The following TRAF5 variants were observed in gnomAD, a reference collection of about 807,000 sequenced individuals.
The protein encoded by TRAF5 is TNF receptor associated factor 5.
A neutral mutation model predicts 64.5 loss-of-function variants in TRAF5; 48 were observed. That is an observed-to-expected ratio of 0.74 (90% CI 0.59 to 0.95). The LOEUF is 0.95. Ranked by LOEUF, TRAF5 falls within the 40% of genes least tolerant of loss-of-function variation. The probability of loss-of-function intolerance (pLI) is 0.00; values close to 1 mark genes in which losing one functional copy is unlikely to be tolerated. For synonymous variants in TRAF5, 206 were observed against 240.5 expected, an observed-to-expected ratio of 0.86 and a Z score of 1.33; for missense variants, 545 against 662.8, an observed-to-expected ratio of 0.82 and a Z score of 1.95.
At chr1:211,359,862 C>T (rs1703116503) in intron 4 of TRAF5, 50 bp from the exon 5 acceptor site, 3 of 1,609,086 alleles carry the variant, frequency 1.9e-6, no homozygotes, top group Middle Eastern at 1.7e-4. Context: ...TGACTTCTTT[C>T]CTACCACCCT....
chr1:211,369,720 A>G (rs938436093), intron 9 of TRAF5, 128 bp downstream of exon 9: 10 of 1,091,940 alleles, frequency 9.2e-6, no homozygotes, highest in Non-Finnish European at 1.1e-5. Flanking sequence ...GATGGTGCAA[A>G]GAACACTTGT....
chr1:211,337,057 C>T (rs887635168), intron 1 of TRAF5, among the ~76,000 whole-genome samples: 6 of 152,236 alleles, frequency 3.9e-5, no homozygotes, highest in Non-Finnish European at 7.3e-5. Context: ...TGTGTTGGGA[C>T]TTCAGTACCC....
At chr1:211,350,380 T>C (rs1044291874) in intron 1 of TRAF5, among the ~76,000 whole-genome samples, 8 of 120,886 alleles carry the variant, frequency 6.6e-5, no homozygotes, top group African/African-American at 2.3e-4. Flanking sequence ...TAGAGTGTGG[T>C]GTATTAGAAG....
At chr1:211,370,718 A>G (rs1375986595) in intron 9 of TRAF5, among the ~76,000 whole-genome samples, 2 of 152,232 alleles carry the variant, frequency 1.3e-5, no homozygotes, top group African/African-American at 2.4e-5. Context: ...AATTTATCAA[A>G]TACTGAAAGT....
Position 211,326,845 on chromosome 1 carries a change from C to G in TRAF5, c.-46C>G, listed in dbSNP as rs1300548899. On this transcript the variant is annotated 5_prime_UTR_variant, in exon 1 of 11. Coordinates refer to ENST00000261464, the MANE Select transcript of TRAF5 (RefSeq NM_001033910.3). The surrounding 1 kb of genome is among the most constrained non-coding windows in gnomAD (Gnocchi z 5.0). ...GCCGGCCGCAGCCAGGAGCAGCAGC[C>G]GCGCCTGCAGACCGGCCTCGCGGAG... is the stretch of plus-strand genomic sequence containing the variant. The G allele has an allele frequency of 2.0e-6, 2 of 984,658 alleles. No individual in the cohort carries two copies. Among genetic ancestry groups the G allele is most frequent in the Non-Finnish European group, 2.4e-6 (2 of 829,544 alleles). 61.0% of individuals were successfully genotyped at this position (984,658 alleles called of 1,614,324 possible). A position where few individuals can be genotyped will look rare whatever the true frequency, so the allele number is the denominator to read the frequency against.
chr1:211,328,383 C>G (rs1329228185), intron 1 of TRAF5, among the ~76,000 whole-genome samples: 1 of 152,202 alleles, frequency 6.6e-6, no homozygotes, highest in African/African-American at 2.4e-5. Context: ...GGCTCCTGGA[C>G]AGAGGCAGGA....
intron 3 of TRAF5, 74 bp from the exon 4 acceptor site, chr1:211,356,293 C>G: frequency 1.5e-6 from 2 of 1,324,668 alleles, no homozygotes; most frequent in Non-Finnish European, 2.1e-6. Flanking sequence ...ACTCGAAGAC[C>G]AAATTAGTAA....
chr1:211,355,711 G>A (rs1337889390), intron 3 of TRAF5, among the ~76,000 whole-genome samples: 1 of 152,158 alleles, frequency 6.6e-6, no homozygotes, highest in Non-Finnish European at 1.5e-5. Flanking sequence ...AATGGTGGGT[G>A]CATAGAAACC....
At chr1:211,356,025 A>C (rs1412982941) in intron 3 of TRAF5, among the ~76,000 whole-genome samples, 1 of 152,192 alleles carries the variant, frequency 6.6e-6, no homozygotes, top group African/African-American at 2.4e-5. Flanking sequence ...GATAAGTAAT[A>C]CATTTACCCT....
chr1:211,336,575 G>A (rs1418919751), intron 1 of TRAF5, among the ~76,000 whole-genome samples: 2 of 152,262 alleles, frequency 1.3e-5, no homozygotes, highest in African/African-American at 4.8e-5. Context: ...GAGAGAGGCT[G>A]CTCTGCTTGC....
intron 1 of TRAF5, among the ~76,000 whole-genome samples, chr1:211,339,863 GTCC>G (rs1702401016): frequency 6.6e-6 from 1 of 152,202 alleles, no homozygotes; most frequent in Admixed American, 6.5e-5. Context: ...CCCAGCCACA[GTCC>G]TCCCAGCTCT....
intron 8 of TRAF5, among the ~76,000 whole-genome samples, chr1:211,366,646 G>A (rs115435483): frequency 6.6e-6 from 1 of 152,166 alleles, no homozygotes; most frequent in Non-Finnish European, 1.5e-5. Context: ...TGTTGTGGAA[G>A]AAGGACATCC....
At chr1:211,328,972 T>C (rs1306851360) in intron 1 of TRAF5, among the ~76,000 whole-genome samples, 1 of 152,170 alleles carries the variant, frequency 6.6e-6, no homozygotes, top group African/African-American at 2.4e-5. Flanking sequence ...CTTGTTCCCC[T>C]GCTCCAGGCC....
Position 211,353,440 on chromosome 1 carries a change from C to T in TRAF5, c.201C>T (p.His67=). ...GATGTGGGCACCGCTTCTGCCAGCA[C>T]TGCATCCTGTCCCTGAGGTGAGTGG... The part of the protein sequence containing the change: ...QTGCGHRFCQ[H]CILSLRELNT... The change falls in exon 2 of 11, where the codon CAC becomes CAT. Residue 67 remains histidine, a synonymous_variant. Transcript: ENST00000261464. 6.2e-7 allele frequency: 1 copy of T among 1,613,436 alleles called. No homozygotes were observed. The highest frequency in any genetic ancestry group is 8.5e-7 in the Non-Finnish European group (1 of 1,179,986).
chr1:211,356,370 TTTAAAGACA>T lies in TRAF5; in HGVS notation c.281_289del (p.Phe94_Asn97delinsTyr), dbSNP rs755086021. ...ACCTATTATGTTTATCTTTTAGGTT[TTTAAAGACA>T]ATTGTTGCAAAAGAGAAGTCCTCAA... is the stretch of plus-strand genomic sequence containing the variant. On this transcript the variant is annotated inframe_deletion, in exon 4 of 11. Coordinates refer to ENST00000261464, the MANE Select transcript of TRAF5 (RefSeq NM_001033910.3). The T allele has an allele frequency of 6.2e-7, 1 of 1,613,324 alleles. No homozygotes were observed. Among genetic ancestry groups the T allele is most frequent in the Admixed American group, 1.7e-5 (1 of 60,006 alleles).
intron 7 of TRAF5, 126 bp downstream of exon 7, chr1:211,361,288 T>C: frequency 2.6e-6 from 2 of 775,852 alleles, no homozygotes; most frequent in South Asian, 1.8e-5. Flanking sequence ...TAAGGCTAAT[T>C]ATTTTAGAGT....
Position 211,365,382 on chromosome 1 carries a change from C to T in TRAF5, c.703C>T (p.Arg235Trp), listed in dbSNP as rs775395856. 7.4e-6 allele frequency: 12 copies of T among 1,613,006 alleles called. No individual in the cohort carries two copies. Among genetic ancestry groups the T allele is most frequent in the East Asian group, 4.5e-5 (2 of 44,844 alleles). Reference protein sequence around the residue: ...KHYGCAVTDKRRNLQQHEHSA... With the variant: ...KHYGCAVTDKWRNLQQHEHSA... ...TTTTCTCTTCATATTGAAGGATAAA[C>T]GGAGGAACCTGCAGCAACATGAGCA... is the stretch of plus-strand genomic sequence containing the variant. The change falls in exon 8 of 11, where the codon CGG becomes TGG. Residue 235 changes from arginine (R) to tryptophan (W), a missense_variant. Physicochemically the swap from Arg to Trp is moderately radical, Grantham distance 101. Transcript: ENST00000261464.
intron 3 of TRAF5, 114 bp from the exon 4 acceptor site, chr1:211,356,253 C>G: frequency 1.4e-6 from 1 of 723,182 alleles, no homozygotes; most frequent in Non-Finnish European, 2.3e-6. Flanking sequence ...CAGCTGATGT[C>G]TGGAAGTTTC....
rs6686507 is a variant in TRAF5, at chr1:211,326,989, C to T, written c.-2+100C>T. On this transcript the variant is annotated intron_variant, in intron 1 of 10. Coordinates refer to ENST00000261464, the MANE Select transcript of TRAF5 (RefSeq NM_001033910.3). This position sits in a 1 kb window ranked among gnomAD's most constrained non-coding sequence, Gnocchi z 5.0. ...TCATCTCGTCCCAGTTACTTTGAAA[C>T]CGAAAGCGCCTGCTGGCGTCCGGCC... 6,279 of 929,674 alleles carry T rather than the reference C, an allele frequency of 6.8e-3. 289 individuals carry two copies. The African/African-American group carries it at 0.097, about 14-fold the overall frequency. 57.6% of individuals were successfully genotyped at this position (929,674 alleles called of 1,614,324 possible).
Sources: allele counts gnomAD v4.1 joint callset (sites outside exome capture counted in the v4.1 genomes callset), GRCh38; gene constraint gnomAD v4.1.1; non-coding constraint Gnocchi (gnomAD v3.1); transcripts MANE v1.5; gene names NCBI Gene and HGNC (gene_info 2026-07-23, HGNC 2026-07-21).